The following FAM120B variants were observed in gnomAD, a reference collection of about 807,000 sequenced individuals.
The protein encoded by FAM120B is family with sequence similarity 120 member B, also known as constitutive coactivator of peroxisome proliferator-activated receptor gamma.
A neutral mutation model predicts 96.3 loss-of-function variants in FAM120B; 83 were observed. That is an observed-to-expected ratio of 0.86 (90% CI 0.72 to 1.03). The LOEUF (loss-of-function observed/expected upper bound fraction) is 1.03, where lower values mean the gene tolerates loss of function less well. FAM120B is among the 50% of genes least tolerant of loss of function. FAM120B has a pLI of 0.00. For synonymous variants in FAM120B, 407 were observed against 402.7 expected (o/e 1.01, Z -0.13); for missense variants, 1,027 against 1,121.2 (o/e 0.92, Z 1.20).
intron 1 of FAM120B, among the ~76,000 whole-genome samples, chr6:170,310,046 A>G (rs1465949779): frequency 6.6e-6 from 1 of 152,206 alleles, no homozygotes; most frequent in African/African-American, 2.4e-5. Context: ...TCCTTGGGTC[A>G]GCTGTTAGCA....
chr6:170,291,918 T>C (rs1253686222), upstream of FAM120B, among the ~76,000 whole-genome samples: 1 of 152,116 alleles, frequency 6.6e-6, no homozygotes, highest in Non-Finnish European at 1.5e-5. Context: ...CTCTCCCGGG[T>C]ATCCCCCTCG....
chr6:170,401,929 TG>T (rs902826562), intron 9 of FAM120B, among the ~76,000 whole-genome samples: 3 of 124,726 alleles, frequency 2.4e-5, no homozygotes, highest in African/African-American at 9.0e-5. Context: ...TGCATCTGTG[TG>T]GCTTTGGATG....
intron 9 of FAM120B, among the ~76,000 whole-genome samples, chr6:170,397,744 C>A (rs1025289673): frequency 6.6e-6 from 1 of 152,196 alleles, no homozygotes; most frequent in African/African-American, 2.4e-5. Context: ...CACCTTCCCA[C>A]CCTGGAGATC....
intron 6 of FAM120B, among the ~76,000 whole-genome samples, chr6:170,365,901 G>A (rs538718176): frequency 8.5e-5 from 13 of 152,144 alleles, no homozygotes; most frequent in Admixed American, 2.6e-4. Context: ...CATCACCATC[G>A]GGTGGGGTGG....
chr6:170,341,518 G>C (rs576521487), intron 4 of FAM120B, among the ~76,000 whole-genome samples: 2 of 152,292 alleles, frequency 1.3e-5, no homozygotes, highest in East Asian at 3.9e-4. Context: ...CTGTCTCGCA[G>C]GGATTCCAGG....
chr6:170,325,957 A>G (rs1785566102), intron 3 of FAM120B, among the ~76,000 whole-genome samples: 1 of 152,144 alleles, frequency 6.6e-6, no homozygotes, highest in Admixed American at 6.5e-5. Context: ...ACCATTTACT[A>G]TCAAATAATA....
In FAM120B at chr6:170,318,654, A is replaced by T; in HGVS notation, c.1264A>T (p.Arg422Trp). The T allele has an allele frequency of 6.3e-7, 1 of 1,590,080 alleles. No homozygotes were observed. The highest frequency in any genetic ancestry group is 8.6e-7 in the Non-Finnish European group (1 of 1,166,994). ...EVPMCTGPEA[R>W]QEVPMYTDSE... Reference sequence around the variant, plus strand: ...TCCCATGTGTACAGGCCCTGAAGCCAGGCAAGAAGTTCCCATGTATACAGA... The same window carrying T: ...TCCCATGTGTACAGGCCCTGAAGCCTGGCAAGAAGTTCCCATGTATACAGA... The change falls in exon 2 of 11, where the codon AGG becomes TGG. Residue 422 changes from arginine (R) to tryptophan (W), a missense_variant. Coordinates refer to ENST00000476287, the MANE Select transcript of FAM120B (RefSeq NM_032448.3).
chr6:170,359,489 C>T (rs1451668458), intron 6 of FAM120B, among the ~76,000 whole-genome samples: 1 of 151,934 alleles, frequency 6.6e-6, no homozygotes, highest in African/African-American at 2.4e-5. Context: ...AGTCCCTGCT[C>T]ACTGCAACCT....
In FAM120B at chr6:170,342,012, G is replaced by A. The variant is rs4710795; in HGVS notation, c.2018-6139G>A. Among the ~76,000 whole-genome samples, 7,652 of 152,220 alleles carry A rather than the reference G, an allele frequency of 0.05. 1,075 individuals carry two copies. In the East Asian group the frequency reaches 0.57, roughly 11 times the overall value. ...TGATCACAAGGTCCCACAATAGGCC[G>A]TCTGCAGGCTGAGGAGCAAGGAGAG... On this transcript the variant is annotated intron_variant, in intron 4 of 10. Coordinates refer to ENST00000476287, the MANE Select transcript of FAM120B (RefSeq NM_032448.3).
Position 170,376,502 on chromosome 6 carries a change from G to A in FAM120B, c.2284-11785G>A, listed in dbSNP as rs558309466. Among the ~76,000 whole-genome samples the A allele has an allele frequency of 1.2e-4, 19 of 152,048 alleles. No individual in the cohort carries two copies. In the South Asian group the frequency reaches 2.9e-3, roughly 23 times the overall value. Reference sequence around the variant, plus strand: ...CGGGGGTGGGGGGGAGGCGGGCAGCGGGGCGTTAGAGGAATGGTAGAGCAG... The same window carrying A: ...CGGGGGTGGGGGGGAGGCGGGCAGCAGGGCGTTAGAGGAATGGTAGAGCAG... On this transcript the variant is annotated intron_variant, in intron 6 of 10. Transcript: ENST00000476287.
At chr6:170,326,242 G>A (rs1443122434) in intron 3 of FAM120B, among the ~76,000 whole-genome samples, 1 of 152,096 alleles carries the variant, frequency 6.6e-6, no homozygotes, top group African/African-American at 2.4e-5. Context: ...ACCTTATTCA[G>A]TTGTGCCATT....
chr6:170,296,401 C>T (rs546065459), intron 1 of FAM120B, among the ~76,000 whole-genome samples: 1 of 152,216 alleles, frequency 6.6e-6, no homozygotes, highest in East Asian at 1.9e-4. Flanking sequence ...CGCGAGGGCA[C>T]AGGCGGCGCG....
intron 6 of FAM120B, among the ~76,000 whole-genome samples, chr6:170,369,692 T>G (rs1171812515): frequency 6.6e-6 from 1 of 150,834 alleles, no homozygotes; most frequent in Admixed American, 6.6e-5. Context: ...TAGGGTAGTT[T>G]TTTTTTTTTT....
intron 6 of FAM120B, among the ~76,000 whole-genome samples, chr6:170,376,444 C>G (rs536148855): frequency 7.0e-6 from 1 of 143,024 alleles, no homozygotes; most frequent in African/African-American, 2.7e-5. Context: ...AGCAGAAAGA[C>G]AGTGAACACA....
At chr6:170,361,949 A>G (rs1039391602) in intron 6 of FAM120B, among the ~76,000 whole-genome samples, 3 of 151,964 alleles carry the variant, frequency 2.0e-5, no homozygotes, top group African/African-American at 7.3e-5. Flanking sequence ...ACACACCACC[A>G]CACCCGGCTA....
Position 170,404,610 on chromosome 6 carries a change from A to AT in FAM120B, c.*11+10dup. On this transcript the variant is annotated intron_variant, in intron 10 of 10. Coordinates refer to ENST00000476287, the MANE Select transcript of FAM120B (RefSeq NM_032448.3). ...TACTAGTCAACCTCCAGGTAAGTTCATCACCTGCATCTCCAGAAGAAATCA... is the reference window on the plus strand; with the variant it reads ...TACTAGTCAACCTCCAGGTAAGTTCATTCACCTGCATCTCCAGAAGAAATCA... 6.3e-7 allele frequency: 1 copy of AT among 1,596,058 alleles called. No homozygotes were observed.
intron 3 of FAM120B, among the ~76,000 whole-genome samples, chr6:170,325,793 G>A (rs1390156956): frequency 6.6e-6 from 1 of 150,660 alleles, no homozygotes; most frequent in Non-Finnish European, 1.5e-5. Context: ...GTGAGCCAAG[G>A]TCACACCATT....
intron 1 of FAM120B, among the ~76,000 whole-genome samples, chr6:170,297,370 C>T (rs1784039575): frequency 6.6e-6 from 1 of 152,222 alleles, no homozygotes; most frequent in Non-Finnish European, 1.5e-5. Flanking sequence ...ATGTGGGCAC[C>T]TGCGGTGACC....
intron 1 of FAM120B, among the ~76,000 whole-genome samples, chr6:170,300,466 T>C (rs897343289): frequency 6.6e-6 from 1 of 152,244 alleles, no homozygotes; most frequent in Non-Finnish European, 1.5e-5. Flanking sequence ...CAAAACCATA[T>C]AATTCCACTC....
Sources: allele counts gnomAD v4.1 joint callset (sites outside exome capture counted in the v4.1 genomes callset), GRCh38; gene constraint gnomAD v4.1.1; transcripts MANE v1.5; gene names NCBI Gene and HGNC (gene_info 2026-07-23, HGNC 2026-07-21).